LRCH2: variants seen among roughly 807,000 people sequenced by gnomAD.
The protein encoded by LRCH2 is leucine rich repeats and calponin homology domain containing 2, also known as leucine-rich repeat and calponin homology domain-containing protein 2.
A neutral mutation model predicts 68.9 loss-of-function variants in LRCH2; 38 were observed. That is an observed-to-expected ratio of 0.55 (90% confidence interval 0.43 to 0.72). The LOEUF (loss-of-function observed/expected upper bound fraction) is 0.72. Ranked by LOEUF, LRCH2 falls within the 30% of genes least tolerant of loss-of-function variation. The pLI, the probability that LRCH2 is intolerant of heterozygous loss-of-function variation, is 0.00. For synonymous variants in LRCH2, 191 were observed against 208.1 expected (o/e 0.92, Z 0.71); for missense variants, 528 against 572.9 (o/e 0.92, Z 0.80).
intron 1 of LRCH2, chrX:115,189,734 C>T: frequency 3.4e-6 from 4 of 1,166,652 alleles, no homozygotes; most frequent in Non-Finnish European, 4.6e-6. Flanking sequence ...GTCCCGCCAA[C>T]CCCCGGCAGC....
At chrX:115,120,450 G>A (rs1556525519) in intron 20 of LRCH2, among the ~76,000 whole-genome samples, 3 of 85,320 alleles carry the variant, frequency 3.5e-5, no homozygotes, top group Admixed American at 2.8e-4. Flanking sequence ...TCAGAGAAAT[G>A]CAAATCAAAA....
Position 115,122,850 on chromosome X carries a change from A to C in LRCH2, c.2010T>G (p.Ala670=), listed in dbSNP as rs1556526467. The part of the protein sequence containing the change: ...LKVILPDDIG[A]ALMDGVVLCH... ...AAAGAACAACCCCATCCATCAGTGCAGCTCCAATGTCATCAGGCAAAATTA... is the reference window on the plus strand; with the variant it reads ...AAAGAACAACCCCATCCATCAGTGCCGCTCCAATGTCATCAGGCAAAATTA... Residue 670 remains alanine, a synonymous_variant, in exon 19 of 21, where the codon GCT becomes GCG. Transcript: ENST00000317135. The C allele has an allele frequency of 8.3e-7, 1 of 1,210,169 alleles. No individual in the cohort carries two copies. The highest frequency in any genetic ancestry group is 1.1e-6 in the Non-Finnish European group (1 of 894,484).
chrX:115,198,432 A>G (rs1055192658), intron 1 of LRCH2: 3 of 112,100 alleles, frequency 2.7e-5, no homozygotes, highest in Non-Finnish European at 3.8e-5. Flanking sequence ...AGCAGCAGCA[A>G]TGGTTCTGTG....
In LRCH2 at chrX:115,122,896, T is replaced by A; in HGVS notation, c.1964A>T (p.Asn655Ile). ...EREQIRQLRN[N>I]LESRLKVILP... ...AATTACTTTTAACCTGGATTCAAGA[T>A]TCTATAGAAAAACAGGTATAAATCA... Residue 655 changes from asparagine to isoleucine, a missense_variant and splice_region_variant, in exon 19 of 21, where the codon AAT becomes ATT. By Grantham distance (149) the Asn-to-Ile change is moderately radical (BLOSUM62 -3). Transcript: ENST00000317135. The A allele has an allele frequency of 8.3e-7, 1 of 1,200,165 alleles. No individual in the cohort carries two copies. The highest frequency in any genetic ancestry group is 2.2e-5 in the Admixed American group (1 of 45,070).
intron 1 of LRCH2, chrX:115,190,093 G>C: frequency 8.7e-7 from 1 of 1,155,135 alleles, no homozygotes; most frequent in Non-Finnish European, 1.2e-6. Context: ...TCGCATTGGC[G>C]GCAGTGGAAT....
At chrX:115,215,629 C>T (rs782254407) in intron 1 of LRCH2, among the ~76,000 whole-genome samples, 57 of 108,171 alleles carry the variant, frequency 5.3e-4, no homozygotes, top group Admixed American at 8.0e-4. Context: ...AGTGAGGTGC[C>T]GTGTGCCTGT....
At chrX:115,128,794 T>C (rs2072219454) in intron 15 of LRCH2, among the ~76,000 whole-genome samples, 2 of 112,232 alleles carry the variant, frequency 1.8e-5, no homozygotes, top group African/African-American at 6.5e-5. Context: ...TTCCATTAAC[T>C]CAGTAGTTCT....
chrX:115,211,759 A>C (rs868971623), intron 1 of LRCH2, among the ~76,000 whole-genome samples: 25 of 109,812 alleles, frequency 2.3e-4, no homozygotes, highest in Non-Finnish European at 4.0e-4. Flanking sequence ...CAACATCCAC[A>C]CACCCCCCCA....
rs2072448839 is a variant in LRCH2, at chrX:115,153,420, T to C, written c.1529+3182A>G. Among the ~76,000 whole-genome samples the C allele has an allele frequency of 2.7e-5, 3 of 111,258 alleles. No individual in the cohort carries two copies. In the South Asian group the frequency reaches 1.1e-3, roughly 42 times the overall value. ...GTAAAATTATGTTAAAATCTCTCTT[T>C]TAGGCAGAAAGAAAGTGATGCACAT... On this transcript the variant is annotated intron_variant, in intron 12 of 20. Transcript: ENST00000317135.
chrX:115,116,315 C>T (rs2072082145), intron 20 of LRCH2, among the ~76,000 whole-genome samples: 1 of 111,232 alleles, frequency 9.0e-6, no homozygotes, highest in Non-Finnish European at 1.9e-5. Flanking sequence ...TGTCTATCAA[C>T]TGATGAATGG....
chrX:115,229,212 G>A (rs2073138001), intron 1 of LRCH2, among the ~76,000 whole-genome samples: 7 of 111,522 alleles, frequency 6.3e-5, no homozygotes, highest in Non-Finnish European at 1.3e-4. Context: ...TTATTGGCAT[G>A]GTGTTTAATA....
chrX:115,131,740 T>C (rs1371141491), intron 14 of LRCH2, among the ~76,000 whole-genome samples: 1 of 111,937 alleles, frequency 8.9e-6, no homozygotes, highest in Non-Finnish European at 1.9e-5. Context: ...AAAGTGTTCC[T>C]ATTTCTCCAC....
intron 2 of LRCH2, among the ~76,000 whole-genome samples, chrX:115,185,427 T>C (rs1158036629): frequency 8.9e-6 from 1 of 112,072 alleles, no homozygotes; most frequent in Non-Finnish European, 1.9e-5. Context: ...TATGGTCAAA[T>C]TTATATGCCA....
intron 1 of LRCH2, among the ~76,000 whole-genome samples, chrX:115,223,858 G>A (rs782053906): frequency 1.6e-4 from 17 of 109,222 alleles, no homozygotes; most frequent in Admixed American, 2.9e-4. Context: ...CCCAGGAGGC[G>A]GAGGTTGCAG....
In LRCH2 at chrX:115,217,239, T is replaced by A. The variant is rs782783394; in HGVS notation, c.349+16454A>T. Reference sequence around the variant, plus strand: ...GTACCCCCAAACTCATAACAATTTTTTTATTATACTTTAAGTTCTGGGATA... The same window carrying A: ...GTACCCCCAAACTCATAACAATTTTATTATTATACTTTAAGTTCTGGGATA... On this transcript the variant is annotated intron_variant, in intron 1 of 20. Transcript: ENST00000317135. Among the ~76,000 whole-genome samples, 5 of 111,796 alleles carry A rather than the reference T, an allele frequency of 4.5e-5. No individual in the cohort carries two copies. In the East Asian group the frequency reaches 1.4e-3, roughly 31 times the overall value.
chrX:115,129,659 T>G (rs187765607), intron 15 of LRCH2, among the ~76,000 whole-genome samples: 1 of 111,461 alleles, frequency 9.0e-6, no homozygotes, highest in African/African-American at 3.3e-5. Context: ...ACACAAAACT[T>G]AAGTATTTAT....
chrX:115,132,154 C>A (rs921023489), intron 14 of LRCH2, among the ~76,000 whole-genome samples: 1 of 111,756 alleles, frequency 8.9e-6, no homozygotes, highest in East Asian at 2.8e-4. Context: ...GAAGTCCTTG[C>A]CCATGCCTAT....
At chrX:115,159,524 G>A (rs1413724769) in intron 11 of LRCH2, among the ~76,000 whole-genome samples, 1 of 110,392 alleles carries the variant, frequency 9.1e-6, no homozygotes, top group Non-Finnish European at 1.9e-5. Context: ...GGCCAAGGCA[G>A]GCGGATCACG....
intron 17 of LRCH2, 88 bp downstream of exon 17, chrX:115,123,857 A>AC (rs2072163831): frequency 3.5e-6 from 2 of 566,163 alleles, no homozygotes; most frequent in Non-Finnish European, 5.5e-6. Flanking sequence ...ATCTATGTGT[A>AC]CTTAAGACTA....
Sources: allele counts gnomAD v4.1 joint callset (sites outside exome capture counted in the v4.1 genomes callset), GRCh38; gene constraint gnomAD v4.1.1; transcripts MANE v1.5; gene names NCBI Gene and HGNC (gene_info 2026-07-23, HGNC 2026-07-21).